The following ANAPC10 variants were observed in gnomAD, a reference collection of about 807,000 sequenced individuals.
ANAPC10 encodes anaphase promoting complex subunit 10, also known as anaphase-promoting complex subunit 10.
In ANAPC10, 12 loss-of-function variants were observed where a neutral mutation model predicts 22.0. The ratio of observed to expected loss-of-function variants is 0.55; its 90% CI spans 0.35 to 0.88. The LOEUF (loss-of-function observed/expected upper bound fraction) is 0.88, where lower values mean the gene tolerates loss of function less well. ANAPC10 is among the 40% of genes least tolerant of loss of function. The pLI is 0.01. For synonymous variants in ANAPC10, 65 were observed against 69.5 expected, an observed-to-expected ratio of 0.94 and a Z score of 0.32; for missense variants, 188 against 220.9, an observed-to-expected ratio of 0.85 and a Z score of 0.94.
At chr4:145,027,337 T>C (rs1736913632) in intron 4 of ANAPC10, among the ~76,000 whole-genome samples, 1 of 151,730 alleles carries the variant, frequency 6.6e-6, no homozygotes, top group South Asian at 2.1e-4. Flanking sequence ...GTTAAATGAA[T>C]TGGAAGACAG....
chr4:145,054,604 AGTGTGTGTGTGTGTGTGT>A lies in ANAPC10; in HGVS notation c.327+9950_327+9967del, dbSNP rs70956823. The stretch of plus-strand genomic sequence containing the variant: ...CACAGGATGAGGGGACATACTGAAT[AGTGTGTGTGTGTGTGTGT>A]GTGTGTGTGTGTGTGTGTGCGCGCG... On this transcript the variant is annotated intron_variant, in intron 4 of 4. Coordinates refer to ENST00000507656, the MANE Select transcript of ANAPC10 (RefSeq NM_001256706.2). 4.5e-3 allele frequency among the ~76,000 whole-genome samples: 583 copies of A among 128,320 alleles called. 6 individuals carry two copies. The highest frequency in any genetic ancestry group is 0.016 in the African/African-American group (533 of 33,510). 84.2% of individuals were successfully genotyped at this position (128,320 alleles called of 152,430 possible). A position where few individuals can be genotyped will look rare whatever the true frequency, so the allele number is the denominator to read the frequency against.
At chr4:145,043,125 A>G (rs971489147) in intron 4 of ANAPC10, among the ~76,000 whole-genome samples, 1 of 151,982 alleles carries the variant, frequency 6.6e-6, no homozygotes, top group Non-Finnish European at 1.5e-5. Context: ...AAAATGCACT[A>G]GCTGCCAAGA....
rs534698374 is a variant in ANAPC10 at position 145,008,718 on chromosome 4, C to G, written c.328-13115G>C. On this transcript the variant is annotated intron_variant, in intron 4 of 4. Coordinates refer to ENST00000507656, the MANE Select transcript of ANAPC10 (RefSeq NM_001256706.2). Reference sequence around the variant, plus strand: ...ATAATAAGAGCTATTTATGACAAACCCACAGCCAATATCATACTGAATGGG... The same window carrying G: ...ATAATAAGAGCTATTTATGACAAACGCACAGCCAATATCATACTGAATGGG... Among the ~76,000 whole-genome samples the G allele has an allele frequency of 1.8e-3, 276 of 152,164 alleles. 1 individual carries two copies. Among genetic ancestry groups the G allele is most frequent in the Non-Finnish European group, 3.4e-3 (228 of 68,006 alleles).
chr4:145,026,945 A>ATATATATATATATG (rs1287102797), intron 4 of ANAPC10, among the ~76,000 whole-genome samples: 5 of 17,156 alleles, frequency 2.9e-4, no homozygotes, highest in Admixed American at 1.2e-3. Context: ...ATATATATAT[A>ATATATATATATATG]TGTGTGTGTG....
intron 2 of ANAPC10, among the ~76,000 whole-genome samples, chr4:145,084,217 CT>C (rs1383194414): frequency 6.6e-6 from 1 of 152,152 alleles, no homozygotes; most frequent in African/African-American, 2.4e-5. Flanking sequence ...CATCTGCTGC[CT>C]TTATTGTGCA....
intron 2 of ANAPC10, among the ~76,000 whole-genome samples, chr4:145,092,999 C>T (rs1747921651): frequency 6.6e-6 from 1 of 152,206 alleles, no homozygotes; most frequent in Non-Finnish European, 1.5e-5. Flanking sequence ...GGCCAAAATG[C>T]TGAGGCCAGG....
chr4:145,090,214 TC>T (rs1217727536), intron 2 of ANAPC10, among the ~76,000 whole-genome samples: 17 of 152,324 alleles, frequency 1.1e-4, no homozygotes, highest in African/African-American at 4.1e-4. Context: ...ATACTTCAAA[TC>T]ATCTCTAGAT....
chr4:145,042,594 A>G (rs1579011291), intron 4 of ANAPC10, among the ~76,000 whole-genome samples: 2 of 152,174 alleles, frequency 1.3e-5, no homozygotes, highest in Admixed American at 6.5e-5. Flanking sequence ...TGATGTGCCA[A>G]TAACATTAGT....
At chr4:145,053,918 G>T (rs80289987) in intron 4 of ANAPC10, 52 of 352,086 alleles carry the variant, frequency 1.5e-4, no homozygotes, top group Admixed American at 4.8e-4. Context: ...GTGTGTGTGT[G>T]TTTTTTTTTT....
At position 145,027,935 on chromosome 4, in the gene ANAPC10, C is replaced by T. The variant is rs548481365; in HGVS notation, c.328-32332G>A. ...CCCAAAAGAAAAAGTGAAGGAAATT[C>T]CCAGGATGATCTTAAAGGGATGTCT... On this transcript the variant is annotated intron_variant, in intron 4 of 4. Transcript: ENST00000507656. Among the ~76,000 whole-genome samples, 172 of 152,160 alleles carry T rather than the reference C, an allele frequency of 1.1e-3. 1 individual carries two copies. In the South Asian group the frequency reaches 0.014, roughly 12 times the overall value.
intron 3 of ANAPC10, among the ~76,000 whole-genome samples, chr4:145,066,361 G>A (rs1479226341): frequency 2.0e-5 from 3 of 152,140 alleles, no homozygotes; most frequent in Non-Finnish European, 4.4e-5. Flanking sequence ...GGAGACAGGA[G>A]AGGAAGCAAA....
chr4:145,077,621 A>G (rs1484806122), intron 3 of ANAPC10, among the ~76,000 whole-genome samples: 2 of 152,292 alleles, frequency 1.3e-5, no homozygotes, highest in African/African-American at 2.4e-5. Context: ...AAAATCCTCA[A>G]TAACATACTA....
At chr4:145,063,113 TAAAC>T (rs1743153055) in intron 4 of ANAPC10, among the ~76,000 whole-genome samples, 1 of 152,158 alleles carries the variant, frequency 6.6e-6, no homozygotes, top group African/African-American at 2.4e-5. Flanking sequence ...ACTACATTAA[TAAAC>T]AATGTGTTAT....
In ANAPC10 at chr4:144,994,930, A is replaced by C. The variant is rs1731393462; in HGVS notation, c.*443T>G. On this transcript the variant is annotated 3_prime_UTR_variant, in exon 5 of 5. Coordinates refer to ENST00000507656, the MANE Select transcript of ANAPC10 (RefSeq NM_001256706.2). The stretch of plus-strand genomic sequence containing the variant: ...AAAAGAATAACCTTCCTCTGGGTAG[A>C]AAAAATAGTAATTTTGACCTATTAA... 6.5e-6 allele frequency: 1 copy of C among 153,592 alleles called. No individual in the cohort carries two copies. Among genetic ancestry groups the C allele is most frequent in the African/African-American group, 2.4e-5 (1 of 41,464 alleles). 9.5% of individuals were successfully genotyped at this position (153,592 alleles called of 1,614,324 possible). A position where few individuals can be genotyped will look rare whatever the true frequency, so the allele number is the denominator to read the frequency against.
chr4:145,012,205 C>T (rs893414211), intron 4 of ANAPC10, among the ~76,000 whole-genome samples: 4 of 147,192 alleles, frequency 2.7e-5, no homozygotes, highest in Non-Finnish European at 4.5e-5. Flanking sequence ...TACACACACA[C>T]ATATATATAC....
chr4:145,053,866 T>G (rs926739670), intron 4 of ANAPC10: 5 of 523,176 alleles, frequency 9.6e-6, no homozygotes, highest in Non-Finnish European at 1.7e-5. Flanking sequence ...GCAGGTAGTT[T>G]CAGCAAGATT....
At chr4:145,087,010 C>T (rs1045590264) in intron 2 of ANAPC10, among the ~76,000 whole-genome samples, 12 of 151,820 alleles carry the variant, frequency 7.9e-5, no homozygotes, top group African/African-American at 2.7e-4. Context: ...TCAGTCAATA[C>T]ACTGTGACAC....
intron 4 of ANAPC10, among the ~76,000 whole-genome samples, chr4:145,021,456 A>T (rs1735945644): frequency 6.6e-6 from 1 of 152,192 alleles, no homozygotes; most frequent in Admixed American, 6.6e-5. Context: ...TGGTGCTGGG[A>T]TAACTGGCTA....
At chr4:145,068,867 G>A (rs896812028) in intron 3 of ANAPC10, among the ~76,000 whole-genome samples, 1 of 152,176 alleles carries the variant, frequency 6.6e-6, no homozygotes. Flanking sequence ...CCAAGATTGC[G>A]CTACTGTACT....
Sources: gnomAD v4.1 joint callset for allele counts (sites outside exome capture counted in the v4.1 genomes callset) on GRCh38, gnomAD v4.1.1 for gene constraint, MANE v1.5 for transcripts, NCBI Gene and HGNC (gene_info 2026-07-23, HGNC 2026-07-21) for gene names.